Variants in PTPRD observed in about 807,000 individuals in gnomAD.
The protein encoded by PTPRD is protein tyrosine phosphatase receptor type D.
Under a neutral mutation model 214.5 loss-of-function variants are expected in PTPRD, and 34 were observed. The ratio of observed to expected loss-of-function variants is 0.16; its 90% CI spans 0.12 to 0.21. The LOEUF (loss-of-function observed/expected upper bound fraction) is 0.21, where lower values mean the gene tolerates loss of function less well. Ranked by LOEUF, PTPRD falls within the 10% of genes least tolerant of loss-of-function variation. PTPRD has a pLI of 1.00. For synonymous variants in PTPRD, 1,128 were observed against 845.7 expected (o/e 1.33, Z -5.79); for missense variants, 2,545 against 2,398.7 (o/e 1.06, Z -1.27).
chr9:9,719,745 C>T (rs529917823), intron 7 of PTPRD, among the ~76,000 whole-genome samples: 23 of 152,300 alleles, frequency 1.5e-4, no homozygotes, highest in East Asian at 5.8e-4. Flanking sequence ...CTGTGTCATT[C>T]GGTAACACCC....
intron 12 of PTPRD, among the ~76,000 whole-genome samples, chr9:8,692,823 T>G (rs956619153): frequency 1.3e-5 from 2 of 152,190 alleles, no homozygotes; most frequent in South Asian, 4.1e-4. Flanking sequence ...AAACACAGTT[T>G]TTAACATGTG....
At chr9:10,237,844 A>G (rs1292839117) in intron 3 of PTPRD, among the ~76,000 whole-genome samples, 2 of 151,966 alleles carry the variant, frequency 1.3e-5, no homozygotes, top group African/African-American at 4.8e-5. Flanking sequence ...TTCATCATGC[A>G]AATTAGCACC....
At chr9:10,072,887 T>A (rs2098055839) in intron 3 of PTPRD, among the ~76,000 whole-genome samples, 1 of 152,144 alleles carries the variant, frequency 6.6e-6, no homozygotes. Flanking sequence ...AAAATGTTTA[T>A]AGCAGTTTTA....
intron 4 of PTPRD, among the ~76,000 whole-genome samples, chr9:9,953,925 T>A (rs2093672169): frequency 6.6e-6 from 1 of 152,104 alleles, no homozygotes; most frequent in South Asian, 2.1e-4. Context: ...AAGGGAGGAT[T>A]TCTTTGCTGT....
At chr9:8,445,410 T>A (rs2095685513) in intron 34 of PTPRD, among the ~76,000 whole-genome samples, 1 of 152,208 alleles carries the variant, frequency 6.6e-6, no homozygotes, top group African/African-American at 2.4e-5. Context: ...GGTGCCTGCT[T>A]TCAATTGTGA....
chr9:9,777,759 A>G (rs564310803), intron 5 of PTPRD, among the ~76,000 whole-genome samples: 117 of 152,342 alleles, frequency 7.7e-4, no homozygotes, highest in African/African-American at 2.6e-3. Context: ...GTATACTAAT[A>G]TTAAAGAAGG....
At chr9:9,176,619 C>A (rs1230608249) in intron 10 of PTPRD, among the ~76,000 whole-genome samples, 1 of 152,104 alleles carries the variant, frequency 6.6e-6, no homozygotes, top group Non-Finnish European at 1.5e-5. Flanking sequence ...AGCCATGAGG[C>A]CTCTGCCCTC....
intron 11 of PTPRD, among the ~76,000 whole-genome samples, chr9:8,746,201 C>G (rs533605221): frequency 1.3e-5 from 2 of 152,164 alleles, no homozygotes; most frequent in Admixed American, 6.5e-5. Context: ...GTTATACAGT[C>G]TGGTTATCTC....
chr9:9,574,434 G>C (rs1487794541), intron 8 of PTPRD, among the ~76,000 whole-genome samples: 1 of 151,762 alleles, frequency 6.6e-6, no homozygotes, highest in African/African-American at 2.4e-5. Context: ...AAATTTAATG[G>C]ATAAAATTGT....
chr9:10,000,805 C>T (rs1037625877), intron 4 of PTPRD, among the ~76,000 whole-genome samples: 7 of 152,150 alleles, frequency 4.6e-5, no homozygotes, highest in African/African-American at 1.7e-4. Context: ...CTTGTCAGCA[C>T]GTGTGCCAGG....
chr9:9,042,200 C>A (rs1401533889), intron 10 of PTPRD, among the ~76,000 whole-genome samples: 1 of 152,160 alleles, frequency 6.6e-6, no homozygotes, highest in Non-Finnish European at 1.5e-5. Context: ...GCAACCAGAG[C>A]TTTAGGTAAC....
At chr9:9,942,744 TAA>T (rs2091814368) in intron 4 of PTPRD, among the ~76,000 whole-genome samples, 1 of 152,170 alleles carries the variant, frequency 6.6e-6, no homozygotes, top group African/African-American at 2.4e-5. Context: ...TCATAATATT[TAA>T]AGACATTTGT....
At chr9:9,700,104 C>T (rs907961438) in intron 7 of PTPRD, among the ~76,000 whole-genome samples, 4 of 152,050 alleles carry the variant, frequency 2.6e-5, no homozygotes, top group Non-Finnish European at 4.4e-5. Context: ...ATATTTACAT[C>T]GGCAAAGGTA....
At chr9:9,453,871 C>T (rs1249761733) in intron 8 of PTPRD, among the ~76,000 whole-genome samples, 1 of 151,576 alleles carries the variant, frequency 6.6e-6, no homozygotes, top group Non-Finnish European at 1.5e-5. Context: ...TTCATGAGTG[C>T]CACATTACTC....
intron 5 of PTPRD, among the ~76,000 whole-genome samples, chr9:9,781,634 TC>T (rs2098843556): frequency 6.6e-6 from 1 of 152,130 alleles, no homozygotes; most frequent in Non-Finnish European, 1.5e-5. Context: ...GTGTTTCCTT[TC>T]CCTGAATTAT....
rs2098652891 is a variant in PTPRD, at chr9:8,899,886, T to C, written c.-104+118811A>G. ...CTAGACATTCAAAGAGCAACAAGTA[T>C]TTGTTAAAGTTTTTAGAATGGGAGC... On this transcript the variant is annotated intron_variant, in intron 11 of 45. Coordinates refer to ENST00000381196, the MANE Select transcript of PTPRD (RefSeq NM_002839.4). Among the ~76,000 whole-genome samples the C allele has an allele frequency of 3.3e-5, 5 of 152,196 alleles. No homozygotes were observed. The South Asian group carries it at 1.0e-3, about 31-fold the overall frequency.
intron 36 of PTPRD, among the ~76,000 whole-genome samples, chr9:8,394,291 G>A (rs2090467922): frequency 6.6e-6 from 1 of 152,008 alleles, no homozygotes; most frequent in South Asian, 2.1e-4. Context: ...ACAATGATGA[G>A]GGGTTTATAA....
chr9:8,951,742 A>G (rs977761728), intron 11 of PTPRD, among the ~76,000 whole-genome samples: 22 of 152,082 alleles, frequency 1.4e-4, no homozygotes, highest in African/African-American at 4.8e-4. Context: ...ACTTCCCAAC[A>G]CTATCACCAC....
chr9:9,646,876 TTCTC>T (rs1181374353), intron 7 of PTPRD, among the ~76,000 whole-genome samples: 5 of 152,182 alleles, frequency 3.3e-5, no homozygotes, highest in African/African-American at 1.2e-4. Flanking sequence ...AATGTGGTCT[TTCTC>T]TCTCTCAGAA....
Sources: allele counts gnomAD v4.1 joint callset (sites outside exome capture counted in the v4.1 genomes callset), GRCh38; gene constraint gnomAD v4.1.1; transcripts MANE v1.5; gene names NCBI Gene and HGNC (gene_info 2026-07-23, HGNC 2026-07-21).